The following ZNF385D variants were observed in gnomAD, a reference collection of about 807,000 sequenced individuals.
The protein encoded by ZNF385D is zinc finger protein 385D.
Under a neutral mutation model 35.8 loss-of-function variants are expected in ZNF385D, and 15 were observed. The observed-to-expected ratio is 0.42, with a 90% CI of 0.28 to 0.64. The LOEUF (loss-of-function observed/expected upper bound fraction) is 0.64. ZNF385D is among the 30% of genes least tolerant of loss of function. ZNF385D has a pLI of 0.23. For missense variants in ZNF385D, 474 were observed against 494.6 expected (o/e 0.96, Z 0.39); for synonymous variants, 212 against 186.8 (o/e 1.13, Z -1.10).
intron 3 of ZNF385D, among the ~76,000 whole-genome samples, chr3:22,097,502 G>C (rs970910756): frequency 3.9e-5 from 6 of 151,948 alleles, no homozygotes; most frequent in Admixed American, 2.6e-4. Flanking sequence ...CTGACAGTAA[G>C]GTATAAGTAG....
chr3:21,522,308 T>C (rs916642856), intron 3 of ZNF385D, among the ~76,000 whole-genome samples: 1 of 152,134 alleles, frequency 6.6e-6, no homozygotes. Context: ...AGAAAAATAT[T>C]TGGTGGACCC....
chr3:21,748,056 T>A (rs538186211), intron 1 of ZNF385D, among the ~76,000 whole-genome samples: 10 of 152,252 alleles, frequency 6.6e-5, no homozygotes, highest in Non-Finnish European at 1.5e-4. Flanking sequence ...AGATCCAAGA[T>A]TGATAGAATA....
At chr3:21,795,519 C>G (rs529079966) in intron 3 of ZNF385D, among the ~76,000 whole-genome samples, 2 of 152,172 alleles carry the variant, frequency 1.3e-5, no homozygotes, top group African/African-American at 4.8e-5. Context: ...TTTTATGTCA[C>G]CCGGGGAGAA....
At chr3:22,361,196 A>G (rs1416725074) in intron 2 of ZNF385D, among the ~76,000 whole-genome samples, 2 of 152,076 alleles carry the variant, frequency 1.3e-5, no homozygotes, top group Non-Finnish European at 2.9e-5. Context: ...CTAATGGACA[A>G]GATGATTCAT....
intron 3 of ZNF385D, among the ~76,000 whole-genome samples, chr3:21,861,538 G>T (rs1053885545): frequency 5.3e-5 from 8 of 152,016 alleles, no homozygotes; most frequent in African/African-American, 1.4e-4. Flanking sequence ...ATATATAACT[G>T]ATCTGAAACT....
At chr3:21,964,470 A>ATTTTT (rs377650103) in intron 3 of ZNF385D, among the ~76,000 whole-genome samples, 15 of 68,160 alleles carry the variant, frequency 2.2e-4, no homozygotes, top group East Asian at 4.8e-4. Context: ...AATTTCTCAG[A>ATTTTT]TTTTTTTTTT....
At chr3:22,221,033 A>G (rs1698220890) in intron 2 of ZNF385D, among the ~76,000 whole-genome samples, 1 of 152,130 alleles carries the variant, frequency 6.6e-6, no homozygotes, top group Admixed American at 6.6e-5. Flanking sequence ...AGCTTGATTT[A>G]TTCCAGAACA....
chr3:21,526,314 A>C (rs1183822730), intron 3 of ZNF385D, among the ~76,000 whole-genome samples: 1 of 152,074 alleles, frequency 6.6e-6, no homozygotes, highest in African/African-American at 2.4e-5. Context: ...ACTTCCAAGC[A>C]GAAGGGCTAC....
intron 2 of ZNF385D, among the ~76,000 whole-genome samples, chr3:21,634,226 AAGAG>A (rs1028236197): frequency 2.0e-5 from 3 of 151,122 alleles, no homozygotes; most frequent in African/African-American, 7.3e-5. Context: ...GAGAAAGAGA[AAGAG>A]AGGAAGGGAG....
chr3:21,841,215 G>A (rs959509693), intron 3 of ZNF385D, among the ~76,000 whole-genome samples: 4 of 152,024 alleles, frequency 2.6e-5, no homozygotes, highest in East Asian at 1.9e-4. Flanking sequence ...GATAACAGAC[G>A]TAACTCATTC....
At chr3:21,741,363 C>G (rs1266096714) in intron 1 of ZNF385D, among the ~76,000 whole-genome samples, 1 of 152,166 alleles carries the variant, frequency 6.6e-6, no homozygotes, top group Non-Finnish European at 1.5e-5. Flanking sequence ...TACCTTTTAA[C>G]TGATACATTT....
chr3:21,762,818 C>A (rs1257845498), intron 3 of ZNF385D, among the ~76,000 whole-genome samples: 1 of 152,122 alleles, frequency 6.6e-6, no homozygotes, highest in Admixed American at 6.5e-5. Context: ...ATTGAAAAGG[C>A]CTATTCATCT....
chr3:21,500,145 A>C (rs527688479), intron 4 of ZNF385D, among the ~76,000 whole-genome samples: 67 of 152,340 alleles, frequency 4.4e-4, no homozygotes, highest in Admixed American at 4.2e-3. Flanking sequence ...TCTGAGCTAC[A>C]CTGGTTAATA....
intron 2 of ZNF385D, among the ~76,000 whole-genome samples, chr3:21,648,187 G>A (rs553504071): frequency 1.3e-5 from 2 of 152,082 alleles, no homozygotes; most frequent in Non-Finnish European, 2.9e-5. Flanking sequence ...CATGAGGGGC[G>A]GGTTTCCCCC....
At chr3:21,508,931 A>G (rs952975617) in intron 4 of ZNF385D, among the ~76,000 whole-genome samples, 5 of 151,078 alleles carry the variant, frequency 3.3e-5, no homozygotes, top group Non-Finnish European at 1.5e-5. Flanking sequence ...GTATCTAGTC[A>G]CAACCCATTT....
intron 3 of ZNF385D, among the ~76,000 whole-genome samples, chr3:21,881,440 A>C (rs529300756): frequency 2.0e-4 from 30 of 151,996 alleles, no homozygotes; most frequent in Non-Finnish European, 4.0e-4. Context: ...ATCTGTTTAC[A>C]TATTGATTTA....
intron 3 of ZNF385D, among the ~76,000 whole-genome samples, chr3:21,902,085 G>C (rs962968280): frequency 1.3e-5 from 2 of 152,108 alleles, no homozygotes; most frequent in Admixed American, 6.6e-5. Flanking sequence ...GTTGTGCCTA[G>C]AGAATTAGAT....
intron 3 of ZNF385D, among the ~76,000 whole-genome samples, chr3:21,894,534 T>G (rs1183417458): frequency 6.6e-6 from 1 of 152,200 alleles, no homozygotes. Flanking sequence ...GCTGAAAGAC[T>G]AGTTATAGCT....
intron 3 of ZNF385D, among the ~76,000 whole-genome samples, chr3:22,029,671 CAT>C (rs1697802317): frequency 6.6e-6 from 1 of 152,132 alleles, no homozygotes; most frequent in Non-Finnish European, 1.5e-5. Flanking sequence ...TATCACGTGA[CAT>C]GAGATTTTTT....
Sources: allele counts gnomAD v4.1 joint callset (sites outside exome capture counted in the v4.1 genomes callset), GRCh38; gene constraint gnomAD v4.1.1; transcripts MANE v1.5; gene names NCBI Gene and HGNC (gene_info 2026-07-23, HGNC 2026-07-21).